PSTPIP1: variants seen among roughly 807,000 people sequenced by gnomAD.
PSTPIP1 encodes proline-serine-threonine phosphatase-interacting protein 1.
A neutral mutation model predicts 69.6 loss-of-function variants in PSTPIP1; 66 were observed. The observed-to-expected ratio is 0.95, with a 90% CI of 0.78 to 1.16. The LOEUF (loss-of-function observed/expected upper bound fraction) is 1.16, where lower values mean the gene tolerates loss of function less well. PSTPIP1 is among the 50% of genes most tolerant of loss of function. The pLI, the probability that PSTPIP1 is intolerant of heterozygous loss-of-function variation, is 0.00. For missense variants in PSTPIP1, 603 were observed against 557.4 expected, an observed-to-expected ratio of 1.08 and a Z score of -0.82; for synonymous variants, 266 against 222.7, an observed-to-expected ratio of 1.19 and a Z score of -1.73.
intron 11 of PSTPIP1, 98 bp downstream of exon 11, chr15:77,032,492 C>G: frequency 1.5e-6 from 2 of 1,295,770 alleles, no homozygotes. Context: ...GCTGGGGTAG[C>G]TCACAGCTCC....
At chr15:77,026,364 C>T (rs970726647) in intron 5 of PSTPIP1, among the ~76,000 whole-genome samples, 1 of 152,164 alleles carries the variant, frequency 6.6e-6, no homozygotes, top group African/African-American at 2.4e-5. Context: ...GGGCAGCACA[C>T]AGATCCGCTT....
In PSTPIP1 at chr15:77,037,100, G is replaced by C; in HGVS notation, c.1175G>C (p.Gly392Ala). 1.2e-6 allele frequency: 2 copies of C among 1,612,446 alleles called. No homozygotes were observed. Among genetic ancestry groups the C allele is most frequent in the Non-Finnish European group, 1.7e-6 (2 of 1,179,714 alleles). ...GACATCCTGGAGGTGATCCTGGAAG[G>C]GGAGGATGGCTGGTGGACTGTGGAG... ...AGDILEVILE[G>A]EDGWWTVERN... Residue 392 changes from glycine (G) to alanine (A), a missense_variant, in exon 15 of 15, where the codon GGG becomes GCG. Physicochemically the swap from Gly to Ala is moderately conservative, Grantham distance 60. Coordinates refer to ENST00000558012, the MANE Select transcript of PSTPIP1 (RefSeq NM_003978.5).
rs1268529878 is a variant in PSTPIP1 at position 76,995,392 on chromosome 15, T to C, written c.-182T>C. On this transcript the variant is annotated 5_prime_UTR_variant, in exon 1 of 15. Coordinates refer to ENST00000558012, the MANE Select transcript of PSTPIP1 (RefSeq NM_003978.5). ...CCCCAAACAAAACAGGTTGAGCTTTTTCCTCCCCTCAGAAGCTCCTCTCTG... is the reference window on the plus strand; with the variant it reads ...CCCCAAACAAAACAGGTTGAGCTTTCTCCTCCCCTCAGAAGCTCCTCTCTG... 2 of 1,447,634 alleles carry C rather than the reference T, an allele frequency of 1.4e-6. No homozygotes were observed. Among genetic ancestry groups the C allele is most frequent in the East Asian group, 5.0e-5 (2 of 40,130 alleles). 89.7% of individuals were successfully genotyped at this position (1,447,634 alleles called of 1,614,324 possible).
chr15:77,021,408 A>C (rs1223731415), intron 3 of PSTPIP1, among the ~76,000 whole-genome samples: 1 of 152,210 alleles, frequency 6.6e-6, no homozygotes, highest in African/African-American at 2.4e-5. Flanking sequence ...AGACAGCATT[A>C]GGGCCAGGCG....
chr15:77,035,747 T>A lies in PSTPIP1; in HGVS notation c.986-55T>A. On this transcript the variant is annotated intron_variant, in intron 13 of 14. Coordinates refer to ENST00000558012, the MANE Select transcript of PSTPIP1 (RefSeq NM_003978.5). ...GGAGAAACCCCATTCTAGTAGGACTTCCAGGGGCCAGTGTCCCCAGAAGGG... is the reference window on the plus strand; with the variant it reads ...GGAGAAACCCCATTCTAGTAGGACTACCAGGGGCCAGTGTCCCCAGAAGGG... The A allele has an allele frequency of 2.7e-6, 4 of 1,497,480 alleles. No homozygotes were observed. In the South Asian group the frequency reaches 4.8e-5, roughly 18 times the overall value. 92.8% of individuals were successfully genotyped at this position (1,497,480 alleles called of 1,614,324 possible).
intron 1 of PSTPIP1, among the ~76,000 whole-genome samples, chr15:77,003,168 G>C (rs1330984733): frequency 6.6e-6 from 1 of 152,192 alleles, no homozygotes; most frequent in African/African-American, 2.4e-5. Flanking sequence ...AGAGGACAGA[G>C]GCTGCGGGCT....
At chr15:77,030,727 C>A in intron 9 of PSTPIP1, 146 bp downstream of exon 9, 2 of 860,878 alleles carry the variant, frequency 2.3e-6, no homozygotes, top group Non-Finnish European at 3.4e-6. Context: ...TGCTCACAGG[C>A]CTGTGCTGGG....
chr15:77,033,064 A>C, intron 12 of PSTPIP1, 112 bp downstream of exon 12: 1 of 1,093,412 alleles, frequency 9.1e-7, no homozygotes, highest in Non-Finnish European at 1.3e-6. Flanking sequence ...ATGTGTCTGT[A>C]TCTGGTGCCC....
intron 14 of PSTPIP1, among the ~76,000 whole-genome samples, chr15:77,036,434 G>A (rs971402271): frequency 6.6e-6 from 1 of 152,166 alleles, no homozygotes; most frequent in Admixed American, 6.5e-5. Flanking sequence ...TATCGTGCCA[G>A]GATTGATTTT....
intron 14 of PSTPIP1, 127 bp downstream of exon 14, chr15:77,036,062 C>T: frequency 7.8e-7 from 1 of 1,287,924 alleles, no homozygotes; most frequent in South Asian, 1.6e-5. Flanking sequence ...ATCCTCTCCT[C>T]CTCAGGAGGG....
intron 1 of PSTPIP1, among the ~76,000 whole-genome samples, chr15:77,004,916 A>G (rs2075786224): frequency 6.6e-6 from 1 of 152,064 alleles, no homozygotes; most frequent in South Asian, 2.1e-4. Context: ...GCAGAGAGCC[A>G]GATCTTGTAG....
At chr15:77,009,458 C>G (rs1413674657) in intron 1 of PSTPIP1, among the ~76,000 whole-genome samples, 1 of 152,180 alleles carries the variant, frequency 6.6e-6, no homozygotes, top group Non-Finnish European at 1.5e-5. Flanking sequence ...CTTAGGAGTC[C>G]ACGTATTCTC....
chr15:77,035,447 C>T, intron 12 of PSTPIP1, 61 bp from the exon 13 acceptor site: 1 of 1,511,044 alleles, frequency 6.6e-7, no homozygotes, highest in Non-Finnish European at 9.0e-7. Flanking sequence ...TAAACCCTCC[C>T]TCCTGGTGGG....
intron 3 of PSTPIP1, chr15:77,024,238 TG>T (rs2076224471): frequency 6.6e-6 from 1 of 152,222 alleles, no homozygotes; most frequent in Non-Finnish European, 1.5e-5. Flanking sequence ...CTGATGCCGC[TG>T]GTCTGTGGAC....
intron 3 of PSTPIP1, among the ~76,000 whole-genome samples, chr15:77,021,664 G>A (rs1046534442): frequency 2.0e-5 from 3 of 152,198 alleles, no homozygotes; most frequent in Non-Finnish European, 4.4e-5. Context: ...GGGCTGCAGA[G>A]CGAGACTCCA....
chr15:77,015,070 G>A (rs1420260592), intron 1 of PSTPIP1, among the ~76,000 whole-genome samples: 1 of 152,154 alleles, frequency 6.6e-6, no homozygotes, highest in African/African-American at 2.4e-5. Context: ...ACCCAGAGCC[G>A]CACTCCTCTG....
In PSTPIP1 at chr15:77,031,290, G is replaced by A. The variant is rs370307155; in HGVS notation, c.741+12G>A. On this transcript the variant is annotated intron_variant, in intron 10 of 14. Transcript: ENST00000558012. Reference sequence around the variant, plus strand: ...TCAAGGATGATGAGGTGGGGGCTGAGGGCCTTGGTGTGGGGTAAGGTAGGG... The same window carrying A: ...TCAAGGATGATGAGGTGGGGGCTGAAGGCCTTGGTGTGGGGTAAGGTAGGG... 49 of 1,611,336 alleles carry A rather than the reference G, an allele frequency of 3.0e-5. No individual in the cohort carries two copies. Among genetic ancestry groups the A allele is most frequent in the Non-Finnish European group, 3.8e-5 (45 of 1,178,708 alleles).
At chr15:77,035,697 A>G (rs2076546416) in intron 13 of PSTPIP1, 105 bp from the exon 14 acceptor site, 14 of 1,482,900 alleles carry the variant, frequency 9.4e-6, no homozygotes, top group South Asian at 1.2e-5. Context: ...TGTGGACAGC[A>G]GAAGGAAGAG....
chr15:77,015,875 C>T (rs537436588), intron 1 of PSTPIP1: 1 of 453,918 alleles, frequency 2.2e-6, no homozygotes, highest in African/African-American at 2.0e-5. Flanking sequence ...TGCCAGCAGC[C>T]CAAAGCTCTG....
Sources: allele counts gnomAD v4.1 joint callset (sites outside exome capture counted in the v4.1 genomes callset), GRCh38; gene constraint gnomAD v4.1.1; transcripts MANE v1.5; gene names NCBI Gene and HGNC (gene_info 2026-07-23, HGNC 2026-07-21).